The following SPON1 variants were observed in gnomAD, a reference collection of about 807,000 sequenced individuals.
The protein encoded by SPON1 is spondin-1.
Under a neutral mutation model 111.7 loss-of-function variants are expected in SPON1, and 52 were observed. The ratio of observed to expected loss-of-function variants is 0.47; its 90% confidence interval spans 0.37 to 0.59. The LOEUF is 0.59. SPON1 is among the 20% of genes least tolerant of loss of function. SPON1 has a pLI of 0.00. For missense variants in SPON1, 957 were observed against 1,068.5 expected (o/e 0.90, Z 1.46); for synonymous variants, 410 against 395.8 (o/e 1.04, Z -0.43).
intron 1 of SPON1, among the ~76,000 whole-genome samples, chr11:13,966,912 T>G (rs1848022002): frequency 6.6e-6 from 1 of 152,214 alleles, no homozygotes; most frequent in Non-Finnish European, 1.5e-5. Flanking sequence ...AAAGAAATTG[T>G]CACACAGTGG....
intron 3 of SPON1, among the ~76,000 whole-genome samples, chr11:14,042,845 A>G (rs11023059): frequency 0.4 from 60,571 of 151,926 alleles, 13,136 homozygotes; most frequent in South Asian, 0.57. Context: ...ACCCCACAGA[A>G]TCTCTGAAGC....
At chr11:14,214,513 C>T (rs142537969) in intron 6 of SPON1, among the ~76,000 whole-genome samples, 8 of 152,282 alleles carry the variant, frequency 5.3e-5, no homozygotes, top group Middle Eastern at 3.4e-3. Flanking sequence ...AGTGAATTTC[C>T]AGGTTTCTCC....
At chr11:14,233,606 G>T (rs1251637817) in intron 6 of SPON1, among the ~76,000 whole-genome samples, 1 of 152,050 alleles carries the variant, frequency 6.6e-6, no homozygotes, top group Non-Finnish European at 1.5e-5. Flanking sequence ...AATATTCCCT[G>T]CATACCTCTC....
rs1849158901 is a variant in SPON1, at chr11:14,260,443, T to C, written c.1832-145T>C. On this transcript the variant is annotated intron_variant, in intron 13 of 15. Transcript: ENST00000576479. Reference sequence around the variant, plus strand: ...CTGAGCCACTTCTTGCTCCATAGATTTCACTCTTATTTGAACCCATGGGCC... The same window carrying C: ...CTGAGCCACTTCTTGCTCCATAGATCTCACTCTTATTTGAACCCATGGGCC... 4 of 794,512 alleles carry C rather than the reference T, an allele frequency of 5.0e-6. No homozygotes were observed. In the South Asian group the frequency reaches 6.5e-5, roughly 13 times the overall value. 49.2% of individuals were successfully genotyped at this position (794,512 alleles called of 1,614,324 possible).
intron 4 of SPON1, 124 bp from the exon 5 acceptor site, chr11:14,079,775 A>G: frequency 9.9e-7 from 1 of 1,006,496 alleles, no homozygotes; most frequent in Admixed American, 2.3e-5. Context: ...TCTAAGTCTT[A>G]TTAACTAATG....
intron 1 of SPON1, among the ~76,000 whole-genome samples, chr11:13,963,665 G>C (rs1847992950): frequency 6.6e-6 from 1 of 152,098 alleles, no homozygotes; most frequent in South Asian, 2.1e-4. Flanking sequence ...TCAGGAGAAG[G>C]GACTTTGGCT....
At chr11:13,969,215 CAAAAAA>C (rs3047401) in intron 1 of SPON1, among the ~76,000 whole-genome samples, 4,886 of 106,956 alleles carry the variant, frequency 0.046, 299 homozygotes, top group African/African-American at 0.14. Flanking sequence ...CCCATCTCTA[CAAAAAA>C]AAAAAAAAAA....
intron 2 of SPON1, among the ~76,000 whole-genome samples, chr11:13,998,300 CT>C (rs1848289366): frequency 6.6e-6 from 1 of 152,184 alleles, no homozygotes; most frequent in Non-Finnish European, 1.5e-5. Flanking sequence ...TTCTGCATCT[CT>C]TACAGCTCTG....
chr11:14,187,968 A>C (rs1048491046), intron 6 of SPON1, among the ~76,000 whole-genome samples: 1 of 152,212 alleles, frequency 6.6e-6, no homozygotes, highest in Non-Finnish European at 1.5e-5. Context: ...ATTAGTAGAG[A>C]CAGGGTTTTG....
At chr11:14,044,160 A>AT in intron 3 of SPON1, among the ~76,000 whole-genome samples, 1 of 118,036 alleles carries the variant, frequency 8.5e-6, no homozygotes, top group South Asian at 3.1e-4. Flanking sequence ...TCTTTTATTT[A>AT]TTTTTTCTCT....
chr11:14,031,487 T>G (rs1178455194), intron 2 of SPON1, among the ~76,000 whole-genome samples: 1 of 152,304 alleles, frequency 6.6e-6, no homozygotes, highest in Non-Finnish European at 1.5e-5. Flanking sequence ...ATTCAAATTA[T>G]GTTTCTGTTA....
intron 6 of SPON1, among the ~76,000 whole-genome samples, chr11:14,238,519 G>T (rs907227400): frequency 4.6e-5 from 7 of 152,128 alleles, no homozygotes; most frequent in African/African-American, 9.7e-5. Context: ...GGGTAAGATT[G>T]GTTCAGACAC....
chr11:14,160,664 TATATTTAC>T (rs1554930946), intron 6 of SPON1, among the ~76,000 whole-genome samples: 1 of 24,946 alleles, frequency 4.0e-5, no homozygotes, highest in Non-Finnish European at 6.4e-5. Flanking sequence ...TATTTATATA[TATATTTAC>T]ATATATTTAT....
intron 3 of SPON1, among the ~76,000 whole-genome samples, chr11:14,072,629 C>T (rs1848885930): frequency 6.6e-6 from 1 of 152,080 alleles, no homozygotes; most frequent in South Asian, 2.1e-4. Flanking sequence ...CAGCTGAAGC[C>T]AGGACATGTC....
At chr11:14,033,748 C>A (rs1359877898) in intron 2 of SPON1, among the ~76,000 whole-genome samples, 4 of 152,170 alleles carry the variant, frequency 2.6e-5, no homozygotes, top group African/African-American at 9.7e-5. Context: ...AGATACCCAA[C>A]CAGTTGCTTT....
chr11:14,132,599 A>G (rs1847540728), intron 5 of SPON1, among the ~76,000 whole-genome samples: 1 of 152,158 alleles, frequency 6.6e-6, no homozygotes, highest in Admixed American at 6.5e-5. Context: ...GAGTCCCTTC[A>G]GGGCAACACC....
Position 14,135,132 on chromosome 11 carries a change from C to T in SPON1, c.677-288C>T, listed in dbSNP as rs1020011696. 3.7e-5 allele frequency: 10 copies of T among 269,466 alleles called. No homozygotes were observed. Among genetic ancestry groups the T allele is most frequent in the East Asian group, 2.6e-4 (4 of 15,370 alleles). 16.7% of individuals were successfully genotyped at this position (269,466 alleles called of 1,614,324 possible). A position where few individuals can be genotyped will look rare whatever the true frequency, so the allele number is the denominator to read the frequency against. On this transcript the variant is annotated intron_variant, in intron 5 of 15. Coordinates refer to ENST00000576479, the MANE Select transcript of SPON1 (RefSeq NM_006108.4). The surrounding 1 kb of genome is among the most constrained non-coding windows in gnomAD (Gnocchi z 4.4). ...CCTTACAAATATGATCAGCCTTTAACGTTCTCTCAACTATCCCCTTCTCTG... is the reference window on the plus strand; with the variant it reads ...CCTTACAAATATGATCAGCCTTTAATGTTCTCTCAACTATCCCCTTCTCTG...
chr11:14,163,822 G>C (rs1847995937), intron 6 of SPON1, among the ~76,000 whole-genome samples: 1 of 152,120 alleles, frequency 6.6e-6, no homozygotes, highest in Non-Finnish European at 1.5e-5. Flanking sequence ...ATTCCTGAGA[G>C]AAAGGCTCTC....
At chr11:14,191,498 C>T (rs1023228209) in intron 6 of SPON1, among the ~76,000 whole-genome samples, 3 of 152,166 alleles carry the variant, frequency 2.0e-5, no homozygotes, top group East Asian at 1.9e-4. Context: ...TCTTCATGAA[C>T]GTTCAGGACC....
Sources: allele counts gnomAD v4.1 joint callset (sites outside exome capture counted in the v4.1 genomes callset), GRCh38; gene constraint gnomAD v4.1.1; non-coding constraint Gnocchi (gnomAD v3.1); transcripts MANE v1.5; gene names NCBI Gene and HGNC (gene_info 2026-07-23, HGNC 2026-07-21).